PTGS2: variants seen among roughly 807,000 people sequenced by gnomAD.
PTGS2 encodes prostaglandin G/H synthase 2.
Under a neutral mutation model 63.8 loss-of-function variants are expected in PTGS2, and 14 were observed. The ratio of observed to expected loss-of-function variants is 0.22; its 90% CI spans 0.14 to 0.34. The LOEUF (loss-of-function observed/expected upper bound fraction) is 0.34, where lower values mean the gene tolerates loss of function less well. Among genes scored for constraint, PTGS2 ranks in the 10% least tolerant of loss-of-function variants. The pLI is 1.00. For missense variants in PTGS2, 533 were observed against 738.5 expected, an observed-to-expected ratio of 0.72 and a Z score of 3.23; for synonymous variants, 271 against 259.5, an observed-to-expected ratio of 1.04 and a Z score of -0.43.
chr1:186,675,040 T>A (rs1281330205), intron 9 of PTGS2, among the ~76,000 whole-genome samples: 1 of 152,070 alleles, frequency 6.6e-6, no homozygotes, highest in East Asian at 1.9e-4. Context: ...TATCCATGCG[T>A]GCGACGTGAG....
intron 3 of PTGS2, among the ~76,000 whole-genome samples, chr1:186,678,679 C>T (rs901336196): frequency 1.3e-5 from 2 of 152,166 alleles, no homozygotes; most frequent in African/African-American, 2.4e-5. Context: ...AAAGGAATGG[C>T]TGAGTATGGC....
chr1:186,680,158 G>A, intron 1 of PTGS2, 81 bp downstream of exon 1: 16 of 1,544,780 alleles, frequency 1.0e-5, no homozygotes, highest in Non-Finnish European at 1.3e-5. Context: ...GGAGTACTGG[G>A]ATAGACCCAG....
rs554763999 is a variant in PTGS2, at chr1:186,674,728, G to T, written c.1440C>A (p.Leu480=). Residue 480 remains leucine (L), a synonymous_variant, in exon 10 of 10, where the codon CTC becomes CTA. Transcript: ENST00000367468. The part of the protein sequence containing the change: ...EKEMSAELEA[L]YGDIDAVELY... ...GCTCCACAGCATCGATGTCACCATAGAGTGCTTCCAACTCTGCAGACATTT... is the reference window on the plus strand; with the variant it reads ...GCTCCACAGCATCGATGTCACCATATAGTGCTTCCAACTCTGCAGACATTT... 6.2e-7 allele frequency: 1 copy of T among 1,613,822 alleles called. No individual in the cohort carries two copies. Among genetic ancestry groups the T allele is most frequent in the East Asian group, 2.2e-5 (1 of 44,886 alleles).
At position 186,678,613 on chromosome 1, in the gene PTGS2, A is replaced by G. The variant is rs530500830; in HGVS notation, c.314-209T>C. On this transcript the variant is annotated intron_variant, in intron 3 of 9. Transcript: ENST00000367468. ...AAATACATATACTCTGCACATTATAATCTGGCAATATTGATTTTTCAGGTA... is the reference window on the plus strand; with the variant it reads ...AAATACATATACTCTGCACATTATAGTCTGGCAATATTGATTTTTCAGGTA... Among the ~76,000 whole-genome samples, 3 of 152,334 alleles carry G rather than the reference A, an allele frequency of 2.0e-5. No individual in the cohort carries two copies. The South Asian group carries it at 6.2e-4, about 32-fold the overall frequency.
At position 186,680,271 on chromosome 1, in the gene PTGS2, A is replaced by G; in HGVS notation, c.20T>C (p.Leu7Pro). The G allele has an allele frequency of 6.5e-7, 1 of 1,545,716 alleles. No individual in the cohort carries two copies. The highest frequency in any genetic ancestry group is 8.7e-7 in the Non-Finnish European group (1 of 1,144,448). Residue 7 changes from leucine (L) to proline (P), a missense_variant, in exon 1 of 10, where the codon CTG becomes CCG. Coordinates refer to ENST00000367468, the MANE Select transcript of PTGS2 (RefSeq NM_000963.4). ...GCTGAGCGCCAGGACCGCGCACAGC[A>G]GCAGGGCGCGGGCGAGCATCGCAGC... MLARAL[L>P]LCAVLALSHT...
intron 7 of PTGS2, 110 bp downstream of exon 7, chr1:186,676,355 AAT>A: frequency 4.9e-6 from 7 of 1,438,422 alleles, no homozygotes; most frequent in Non-Finnish European, 6.6e-6. Context: ...ATGTATATAG[AAT>A]GTGTGAGTTT....
rs1310616336 is a variant in PTGS2, at chr1:186,674,438, A to G, written c.1730T>C (p.Val577Ala). The change falls in exon 10 of 10, where the codon GTC becomes GCC. Residue 577 changes from valine (V) to alanine (A), a missense_variant. Physicochemically the swap from Val to Ala is moderately conservative, Grantham distance 64. Transcript: ENST00000367468. ...SVPDPELIKT[V>A]TINASSSRSG... The stretch of plus-strand genomic sequence containing the variant: ...GCGGGAAGAACTTGCATTGATGGTG[A>G]CTGTTTTAATGAGCTCTGGATCTGG... 15 of 1,614,004 alleles carry G rather than the reference A, an allele frequency of 9.3e-6. No homozygotes were observed. The highest frequency in any genetic ancestry group is 4.0e-5 in the African/African-American group (3 of 74,932).
intron 7 of PTGS2, 28 bp downstream of exon 7, chr1:186,676,439 G>A (rs575009672): frequency 1.2e-6 from 2 of 1,608,154 alleles, no homozygotes; most frequent in African/African-American, 2.7e-5. Flanking sequence ...GGGGAAGAGG[G>A]TTTTATATAA....
chr1:186,679,306 C>T lies in PTGS2; in HGVS notation c.169+16G>A. ...CCAGCCCCACTCCTAATGAGGCAAC[C>T]AAAGGACAAACTTACGTGTTGAGCA... On this transcript the variant is annotated intron_variant, in intron 2 of 9. Transcript: ENST00000367468. 6.2e-7 allele frequency: 1 copy of T among 1,613,684 alleles called. No homozygotes were observed. Among genetic ancestry groups the T allele is most frequent in the Non-Finnish European group, 8.5e-7 (1 of 1,179,652 alleles).
Position 186,674,172 on chromosome 1 carries a change from CA to C in PTGS2, c.*180del. On this transcript the variant is annotated 3_prime_UTR_variant, in exon 10 of 10. Coordinates refer to ENST00000367468, the MANE Select transcript of PTGS2 (RefSeq NM_000963.4). ...TGTTTTCCAAACTTAACAGCAACAG[CA>C]AAATCTTTAGAGTAGTGACATAAAA... The C allele has an allele frequency of 3.0e-6, 1 of 335,584 alleles. No homozygotes were observed. The allele number at this position is 335,584 out of a possible 1,614,324, so 20.8% of individuals were successfully genotyped here. A position where few individuals can be genotyped will look rare whatever the true frequency, so the allele number is the denominator to read the frequency against.
At chr1:186,675,222 C>T (rs201078559) in intron 9 of PTGS2, 27 bp downstream of exon 9, 9 of 1,597,196 alleles carry the variant, frequency 5.6e-6, no homozygotes, top group Non-Finnish European at 7.7e-6. Context: ...AAACAAAAAA[C>T]GAAGAAGTTT....
Position 186,676,452 on chromosome 1 carries a change from C to A in PTGS2, c.970+15G>T. 6.2e-7 allele frequency: 1 copy of A among 1,610,050 alleles called. No individual in the cohort carries two copies. The highest frequency in any genetic ancestry group is 8.5e-7 in the Non-Finnish European group (1 of 1,177,226). ...CTGGGGAAGAGGGTTTTATATAAAT[C>A]ATTTTCTTGTTTACCTATCAGTATT... On this transcript the variant is annotated intron_variant, in intron 7 of 9. Coordinates refer to ENST00000367468, the MANE Select transcript of PTGS2 (RefSeq NM_000963.4).
intron 4 of PTGS2, 52 bp from the exon 5 acceptor site, chr1:186,677,882 A>G: frequency 1.3e-6 from 2 of 1,529,536 alleles, no homozygotes; most frequent in Non-Finnish European, 8.9e-7. Flanking sequence ...TCAAGAAAGG[A>G]GATGGTGACT....
At chr1:186,679,901 C>T (rs747854813) in intron 1 of PTGS2, among the ~76,000 whole-genome samples, 1 of 152,168 alleles carries the variant, frequency 6.6e-6, no homozygotes, top group Non-Finnish European at 1.5e-5. Flanking sequence ...TTCTTCCACT[C>T]AATAAAAAGG....
At position 186,680,228 on chromosome 1, in the gene PTGS2, C is replaced by G; in HGVS notation, c.52+11G>C. 1 of 1,549,636 alleles carries G rather than the reference C, an allele frequency of 6.5e-7. No individual in the cohort carries two copies. The highest frequency in any genetic ancestry group is 8.7e-7 in the Non-Finnish European group (1 of 1,146,678). On this transcript the variant is annotated intron_variant, in intron 1 of 9. Coordinates refer to ENST00000367468, the MANE Select transcript of PTGS2 (RefSeq NM_000963.4). The stretch of plus-strand genomic sequence containing the variant: ...AACCGGAGTCCCCGGTGCGCGGCGC[C>G]AGGTACTCACCTGTATGGCTGAGCG...
chr1:186,671,887 T>G lies in PTGS2; in HGVS notation c.*2466A>C, dbSNP rs200076979. The G allele has an allele frequency of 6.6e-6, 1 of 152,124 alleles. No homozygotes were observed. The highest frequency in any genetic ancestry group is 1.5e-5 in the Non-Finnish European group (1 of 67,996). The allele number at this position is 152,124 out of a possible 1,614,324, so 9.4% of individuals were successfully genotyped here. On this transcript the variant is annotated 3_prime_UTR_variant, in exon 10 of 10. Transcript: ENST00000367468. ...TTTATTTCCAGACTTATCTTTTACA[T>G]AAGTTAAATACACATTTGTCTGAGG... is the stretch of plus-strand genomic sequence containing the variant.
intron 1 of PTGS2, among the ~76,000 whole-genome samples, chr1:186,679,807 C>T (rs1417329199): frequency 6.6e-6 from 1 of 152,142 alleles, no homozygotes; most frequent in Non-Finnish European, 1.5e-5. Flanking sequence ...AAACAGCTTA[C>T]TTTTAAGACA....
At chr1:186,675,504 A>G (rs558676467) in intron 8 of PTGS2, 108 bp from the exon 9 acceptor site, 44 of 1,281,370 alleles carry the variant, frequency 3.4e-5, no homozygotes, top group Non-Finnish European at 4.5e-5. Flanking sequence ...CCCAGCGGAG[A>G]CAATTTTTAT....
At chr1:186,676,286 G>T (rs761725257) in intron 7 of PTGS2, 102 bp from the exon 8 acceptor site, 132 of 1,382,360 alleles carry the variant, frequency 9.5e-5, no homozygotes, top group Non-Finnish European at 1.2e-4. Context: ...CTTCATTTCT[G>T]TTTTCTTCCT....
Sources: gnomAD v4.1 joint callset for allele counts (sites outside exome capture counted in the v4.1 genomes callset) on GRCh38, gnomAD v4.1.1 for gene constraint, MANE v1.5 for transcripts, NCBI Gene and HGNC (gene_info 2026-07-23, HGNC 2026-07-21) for gene names.